Variants in SDK1 observed in about 807,000 individuals in gnomAD.
SDK1 encodes the protein sidekick cell adhesion molecule 1.
Under a neutral mutation model 245.5 loss-of-function variants are expected in SDK1, and 157 were observed. The ratio of observed to expected loss-of-function variants is 0.64; its 90% CI spans 0.56 to 0.73. The LOEUF (loss-of-function observed/expected upper bound fraction) is 0.73. Ranked by LOEUF, SDK1 falls within the 30% of genes least tolerant of loss-of-function variation. The pLI is 0.00. For synonymous variants in SDK1, 1,647 were observed against 1,278.5 expected, an observed-to-expected ratio of 1.29 and a Z score of -6.15; for missense variants, 3,583 against 3,002.3, an observed-to-expected ratio of 1.19 and a Z score of -4.52.
intron 1 of SDK1, among the ~76,000 whole-genome samples, chr7:3,367,541 G>C (rs1781123098): frequency 1.3e-5 from 2 of 152,136 alleles, no homozygotes; most frequent in African/African-American, 4.8e-5. Context: ...TAAAACAAGT[G>C]CCTAGTGATG....
chr7:4,178,882 G>T (rs1782422269), intron 35 of SDK1, among the ~76,000 whole-genome samples: 1 of 152,260 alleles, frequency 6.6e-6, no homozygotes, highest in Non-Finnish European at 1.5e-5. Flanking sequence ...GTGGTATTAA[G>T]TCAGTGGTGA....
At chr7:4,172,717 G>A (rs1212075497) in intron 32 of SDK1, among the ~76,000 whole-genome samples, 5 of 152,150 alleles carry the variant, frequency 3.3e-5, no homozygotes, top group African/African-American at 4.8e-5. Context: ...GCCTCTGAGG[G>A]CTCCAGGGAG....
At chr7:3,596,471 A>C (rs1236210824) in intron 1 of SDK1, among the ~76,000 whole-genome samples, 7 of 152,188 alleles carry the variant, frequency 4.6e-5, no homozygotes, top group Admixed American at 1.3e-4. Context: ...TAAAATGTAC[A>C]GAAAGCATGA....
intron 1 of SDK1, among the ~76,000 whole-genome samples, chr7:3,559,695 A>G (rs1779690240): frequency 6.6e-6 from 1 of 151,996 alleles, no homozygotes; most frequent in African/African-American, 2.4e-5. Context: ...TTTTTAAATC[A>G]TAAATATTTG....
At chr7:3,302,626 C>G (rs1364701132) in intron 1 of SDK1, among the ~76,000 whole-genome samples, 1 of 150,810 alleles carries the variant, frequency 6.6e-6, no homozygotes, top group Non-Finnish European at 1.5e-5. Flanking sequence ...CCTCCCCGCC[C>G]CCGACAAAAC....
intron 4 of SDK1, among the ~76,000 whole-genome samples, chr7:3,788,934 T>C (rs1375981689): frequency 6.6e-6 from 1 of 152,140 alleles, no homozygotes; most frequent in African/African-American, 2.4e-5. Flanking sequence ...GATTTAGATG[T>C]AGAATAGAAC....
chr7:4,076,385 C>T (rs906289368), intron 20 of SDK1, among the ~76,000 whole-genome samples: 1 of 152,020 alleles, frequency 6.6e-6, no homozygotes, highest in Non-Finnish European at 1.5e-5. Flanking sequence ...GAAACCCCAT[C>T]TCTCCAAAAA....
intron 4 of SDK1, among the ~76,000 whole-genome samples, chr7:3,657,623 G>A (rs1314774506): frequency 6.6e-6 from 1 of 151,550 alleles, no homozygotes; most frequent in East Asian, 1.9e-4. Context: ...CTGTGAAATG[G>A]GGTCAAGCCA....
intron 28 of SDK1, among the ~76,000 whole-genome samples, chr7:4,145,398 G>C (rs1779894379): frequency 6.6e-6 from 1 of 152,180 alleles, no homozygotes; most frequent in African/African-American, 2.4e-5. Context: ...AGACTGAGAA[G>C]CCACAGCCCT....
At chr7:3,426,024 T>C (rs575134660) in intron 1 of SDK1, among the ~76,000 whole-genome samples, 2 of 152,368 alleles carry the variant, frequency 1.3e-5, no homozygotes, top group African/African-American at 4.8e-5. Flanking sequence ...ATAAAATACA[T>C]AAAATTACTT....
chr7:3,712,519 A>G (rs2115019742), intron 4 of SDK1, among the ~76,000 whole-genome samples: 1 of 152,330 alleles, frequency 6.6e-6, no homozygotes, highest in South Asian at 2.1e-4. Context: ...TTCCAAAACC[A>G]TCCCCCAACC....
Position 3,697,311 on chromosome 7 carries a change from CT to C in SDK1, c.713+55207del, listed in dbSNP as rs1176271686. 2.6e-5 allele frequency among the ~76,000 whole-genome samples: 4 copies of C among 152,194 alleles called. No individual in the cohort carries two copies. The East Asian group carries it at 7.7e-4, about 29-fold the overall frequency. ...TAATTACTCATCCCTTTCTTTCCCG[CT>C]GCAATTTACAGTGTGTCTTCAGGGT... On this transcript the variant is annotated intron_variant, in intron 4 of 44. Transcript: ENST00000404826.
At chr7:3,336,312 A>G (rs1377544083) in intron 1 of SDK1, among the ~76,000 whole-genome samples, 1 of 152,130 alleles carries the variant, frequency 6.6e-6, no homozygotes, top group African/African-American at 2.4e-5. Flanking sequence ...TGGTACTTCA[A>G]TTCCCCTGTC....
chr7:3,463,780 G>T (rs1045999756), intron 1 of SDK1, among the ~76,000 whole-genome samples: 1 of 152,306 alleles, frequency 6.6e-6, no homozygotes, highest in Admixed American at 6.5e-5. Flanking sequence ...CTCTGCCTTA[G>T]TGTCTGATGG....
At chr7:3,847,731 G>T (rs377454825) in intron 5 of SDK1, among the ~76,000 whole-genome samples, 15 of 152,230 alleles carry the variant, frequency 9.9e-5, no homozygotes, top group East Asian at 3.8e-4. Context: ...CCTGCAAATA[G>T]TTGCAAGGAA....
chr7:4,063,170 T>G (rs1433174912), intron 19 of SDK1, among the ~76,000 whole-genome samples: 1 of 152,206 alleles, frequency 6.6e-6, no homozygotes, highest in Non-Finnish European at 1.5e-5. Flanking sequence ...ATTGTTCTCT[T>G]TGCAGATGAC....
chr7:4,048,391 C>G (rs985484347), intron 17 of SDK1, among the ~76,000 whole-genome samples: 2 of 152,142 alleles, frequency 1.3e-5, no homozygotes, highest in African/African-American at 4.8e-5. Context: ...CCTTCAGTTC[C>G]CCATTGCCTT....
chr7:4,152,156 C>T (rs570431735), intron 30 of SDK1, among the ~76,000 whole-genome samples: 7 of 152,194 alleles, frequency 4.6e-5, no homozygotes, highest in East Asian at 1.9e-4. Flanking sequence ...CATTGCTGAC[C>T]GCCACGGAAC....
At chr7:3,545,436 G>A (rs892758884) in intron 1 of SDK1, among the ~76,000 whole-genome samples, 1 of 152,176 alleles carries the variant, frequency 6.6e-6, no homozygotes, top group African/African-American at 2.4e-5. Context: ...GATGGGGATC[G>A]TGGTTTTCCT....
Sources: gnomAD v4.1 joint callset for allele counts (sites outside exome capture counted in the v4.1 genomes callset) on GRCh38, gnomAD v4.1.1 for gene constraint, MANE v1.5 for transcripts, NCBI Gene and HGNC (gene_info 2026-07-23, HGNC 2026-07-21) for gene names.